KCTD14: variants seen among roughly 807,000 people sequenced by gnomAD.
KCTD14 encodes the protein potassium channel tetramerization domain containing 14.
Under a neutral mutation model 5.9 loss-of-function variants are expected in KCTD14, and 7 were observed. The ratio of observed to expected loss-of-function variants is 1.19; its 90% confidence interval spans 0.68 to 2.23. The LOEUF is 2.23. Ranked by LOEUF, KCTD14 falls within the 30% of genes most tolerant of loss-of-function variation. The pLI is 0.00. For synonymous variants in KCTD14, 140 were observed against 133.1 expected, an observed-to-expected ratio of 1.05 and a Z score of -0.36; for missense variants, 342 against 332.2, an observed-to-expected ratio of 1.03 and a Z score of -0.23.
upstream of KCTD14, among the ~76,000 whole-genome samples, chr11:78,026,915 A>G (rs1015338292): frequency 2.0e-5 from 3 of 152,110 alleles, no homozygotes; most frequent in African/African-American, 7.2e-5. Context: ...CCTGGCCAAC[A>G]TGGTAAAACC....
intron 2 of KCTD14, among the ~76,000 whole-genome samples, chr11:78,028,829 T>C (rs1857540576): frequency 6.6e-6 from 1 of 151,904 alleles, no homozygotes; most frequent in African/African-American, 2.4e-5. Flanking sequence ...TAGTCACAGC[T>C]ATTCGGGAGG....
At position 78,023,227 on chromosome 11, in the gene KCTD14, T is replaced by C. The variant is rs966971813; in HGVS notation, c.23A>G (p.Glu8Gly). The C allele has an allele frequency of 3.1e-6, 5 of 1,608,330 alleles. No individual in the cohort carries two copies. The highest frequency in any genetic ancestry group is 4.2e-6 in the Non-Finnish European group (5 of 1,179,312). MWQGCAV[E>G]RPVGRMTSQT... is the part of the protein sequence containing the mutation. ...GCTCGTCATCCTGCCCACTGGCCGC[T>C]CCACTGCGCAGCCCTGCCACATGCA... is the stretch of plus-strand genomic sequence containing the variant. Residue 8 changes from glutamate to glycine, a missense_variant, in exon 1 of 2, where the codon GAG (glutamate) becomes GGG (glycine). By Grantham distance (98) the Glu-to-Gly change is moderately conservative. Coordinates refer to ENST00000353172, the MANE Select transcript of KCTD14 (RefSeq NM_023930.4).
At position 78,016,190 on chromosome 11, in the gene KCTD14, G is replaced by T; in HGVS notation, c.*403C>A. On this transcript the variant is annotated 3_prime_UTR_variant, in exon 2 of 2. Transcript: ENST00000353172. Reference sequence around the variant, plus strand: ...CTACTACATGAAGGCACATGCCAGGGACAGATGGATTGGACCCCAAGCTGG... The same window carrying T: ...CTACTACATGAAGGCACATGCCAGGTACAGATGGATTGGACCCCAAGCTGG... 1 of 224,516 alleles carries T rather than the reference G, an allele frequency of 4.5e-6. No individual in the cohort carries two copies. The highest frequency in any genetic ancestry group is 8.8e-6 in the Non-Finnish European group (1 of 113,400). 13.9% of individuals were successfully genotyped at this position (224,516 alleles called of 1,614,324 possible).
chr11:78,039,044 G>T (rs1005780511), intron 1 of KCTD14, among the ~76,000 whole-genome samples: 2 of 143,980 alleles, frequency 1.4e-5, no homozygotes, highest in African/African-American at 5.1e-5. Context: ...AGGAGGGAAG[G>T]AGTAGAGTCT....
exon 2 of KCTD14, chr11:78,038,721 G>A (rs1424098301): frequency 2.0e-6 from 3 of 1,535,736 alleles, no homozygotes; most frequent in East Asian, 4.9e-5. Flanking sequence ...TGTCAGAGAG[G>A]GATCCTGGGG....
intron 2 of KCTD14, among the ~76,000 whole-genome samples, chr11:78,028,524 A>G (rs1006479815): frequency 1.3e-5 from 2 of 151,742 alleles, no homozygotes; most frequent in African/African-American, 2.4e-5. Context: ...AATTGCTTGA[A>G]TCCGGGAGGC....
chr11:78,020,796 C>T (rs1857285421), intron 1 of KCTD14, among the ~76,000 whole-genome samples: 1 of 152,178 alleles, frequency 6.6e-6, no homozygotes, highest in African/African-American at 2.4e-5. Context: ...AGTAAGGGTG[C>T]CTCACCGCCA....
intron 1 of KCTD14, among the ~76,000 whole-genome samples, chr11:78,022,121 G>A (rs1339710883): frequency 6.6e-6 from 1 of 152,056 alleles, no homozygotes; most frequent in East Asian, 1.9e-4. Flanking sequence ...TGACTGTGAG[G>A]TTCCTGGCCA....
Position 78,016,026 on chromosome 11 carries a change from G to A in KCTD14, c.*567C>T, listed in dbSNP as rs949706046. On this transcript the variant is annotated 3_prime_UTR_variant, in exon 2 of 2. Coordinates refer to ENST00000353172, the MANE Select transcript of KCTD14 (RefSeq NM_023930.4). ...GAGATTCTGATTCAGTAGGTCTGAGGTGGGGCCTGAGGATTTGTATTTCCA... is the reference window on the plus strand; with the variant it reads ...GAGATTCTGATTCAGTAGGTCTGAGATGGGGCCTGAGGATTTGTATTTCCA... 6.5e-6 allele frequency: 1 copy of A among 153,500 alleles called. No homozygotes were observed. Among genetic ancestry groups the A allele is most frequent in the Non-Finnish European group, 1.4e-5 (1 of 69,014 alleles). The allele number at this position is 153,500 out of a possible 1,614,324, so 9.5% of individuals were successfully genotyped here.
upstream of KCTD14, among the ~76,000 whole-genome samples, chr11:78,026,253 A>C (rs1397556543): frequency 6.6e-6 from 1 of 152,148 alleles, no homozygotes; most frequent in Non-Finnish European, 1.5e-5. Context: ...CCTGGCCAAC[A>C]TGGTGAAACC....
rs551292187 is a variant in KCTD14, at chr11:78,023,123, G to A, written c.90+37C>T. The A allele has an allele frequency of 1.2e-5, 17 of 1,380,870 alleles. No homozygotes were observed. The African/African-American group carries it at 1.6e-4, about 13-fold the overall frequency. The allele number at this position is 1,380,870 out of a possible 1,614,324, so 85.5% of individuals were successfully genotyped here. A position where few individuals can be genotyped will look rare whatever the true frequency, so the allele number is the denominator to read the frequency against. ...GAAGAGGCGGAGGGAAGAGGCGGAG[G>A]ACAGAGGCGCGGGGACGCAGCTAGC... On this transcript the variant is annotated intron_variant, in intron 1 of 1. Coordinates refer to ENST00000353172, the MANE Select transcript of KCTD14 (RefSeq NM_023930.4).
intron 2 of KCTD14, among the ~76,000 whole-genome samples, chr11:78,030,733 C>T (rs1857589918): frequency 6.6e-6 from 1 of 152,134 alleles, no homozygotes; most frequent in Non-Finnish European, 1.5e-5. Context: ...ATGAAAGGGC[C>T]CTCAGAAGGC....
intron 1 of KCTD14, among the ~76,000 whole-genome samples, chr11:78,042,760 T>G (rs59992318): frequency 6.6e-6 from 1 of 152,166 alleles, no homozygotes; most frequent in African/African-American, 2.4e-5. Flanking sequence ...TTCTCTCTCC[T>G]GCAGAGAGAA....
chr11:78,035,438 T>C (rs1441326292), intron 2 of KCTD14, among the ~76,000 whole-genome samples: 8 of 152,136 alleles, frequency 5.3e-5, no homozygotes, highest in African/African-American at 1.2e-4. Flanking sequence ...TCCACACAGC[T>C]ATCATCTCAG....
chr11:78,032,705 T>TC (rs1282972757), intron 2 of KCTD14, among the ~76,000 whole-genome samples: 50 of 143,916 alleles, frequency 3.5e-4, no homozygotes, highest in Admixed American at 8.2e-4. Flanking sequence ...ATCTACTTCT[T>TC]TTTTTTTTTT....
chr11:78,031,741 A>G (rs888188481), intron 2 of KCTD14, among the ~76,000 whole-genome samples: 1 of 152,196 alleles, frequency 6.6e-6, no homozygotes, highest in African/African-American at 2.4e-5. Context: ...TGTGTCAATC[A>G]TGGCACCAGG....
chr11:78,027,746 T>C (rs1857505738), upstream of KCTD14, among the ~76,000 whole-genome samples: 1 of 152,014 alleles, frequency 6.6e-6, no homozygotes, highest in Non-Finnish European at 1.5e-5. Flanking sequence ...AGACCTGAGA[T>C]CAATAGAAAG....
intron 2 of KCTD14, among the ~76,000 whole-genome samples, chr11:78,037,277 A>C (rs909285762): frequency 1.3e-5 from 2 of 152,230 alleles, no homozygotes; most frequent in Non-Finnish European, 2.9e-5. Context: ...CAGCCAGGAC[A>C]CATCCTCTTC....
intron 2 of KCTD14, among the ~76,000 whole-genome samples, chr11:78,034,544 C>CTTTT (rs1312017184): frequency 2.5e-4 from 38 of 151,446 alleles, no homozygotes; most frequent in African/African-American, 9.0e-4. Flanking sequence ...TTCTTTCTTT[C>CTTTT]TTTCAAGTCA....
Sources: allele counts gnomAD v4.1 joint callset (sites outside exome capture counted in the v4.1 genomes callset), GRCh38; gene constraint gnomAD v4.1.1; transcripts MANE v1.5; gene names NCBI Gene and HGNC (gene_info 2026-07-23, HGNC 2026-07-21).